The following HDDC3 variants were observed in gnomAD, a reference collection of about 807,000 sequenced individuals.
The protein encoded by HDDC3 is HD domain containing 3, also known as guanosine-3',5'-bis(diphosphate) 3'-pyrophosphohydrolase MESH1.
Under a neutral mutation model 19.1 loss-of-function variants are expected in HDDC3, and 18 were observed. The ratio of observed to expected loss-of-function variants is 0.94; its 90% CI spans 0.65 to 1.40. The LOEUF (loss-of-function observed/expected upper bound fraction) is 1.40. Among genes scored for constraint, HDDC3 ranks in the 40% most tolerant of loss-of-function variants. HDDC3 has a pLI of 0.00. For missense variants in HDDC3, 250 were observed against 228.9 expected (o/e 1.09, Z -0.59); for synonymous variants, 107 against 99.4 (o/e 1.08, Z -0.46).
chr15:90,932,116 G>C lies in HDDC3; in HGVS notation c.113-6C>G. ...GGTCAGGATCCGTGCCACACCTGAC[G>C]GGGAGGGGCAAAGCAGGAAGTCAGG... is the stretch of plus-strand genomic sequence containing the variant. On this transcript the variant is annotated splice_polypyrimidine_tract_variant and splice_region_variant and intron_variant, in intron 1 of 3. Coordinates refer to ENST00000394272, the MANE Select transcript of HDDC3 (RefSeq NM_001286451.2). 6 of 1,585,636 alleles carry C rather than the reference G, an allele frequency of 3.8e-6. No homozygotes were observed. Among genetic ancestry groups the C allele is most frequent in the Non-Finnish European group, 5.2e-6 (6 of 1,163,124 alleles).
Position 90,931,361 on chromosome 15 carries a change from G to C in HDDC3, c.454C>G (p.Gln152Glu). The change falls in exon 4 of 4, where the codon CAG becomes GAG. Residue 152 changes from glutamine to glutamate, a missense_variant. Gln to Glu is a conservative substitution (Grantham distance 29). Transcript: ENST00000394272. ...GTTCCCTGAAGCCCCTTCACCACCT[G>C]CGCTGCCCACTCGAAGTATTCCTGG... ...RVQEYFEWAA[Q>E]VVKGLQGTNR... is the part of the protein sequence containing the mutation. 1 of 1,554,370 alleles carries C rather than the reference G, an allele frequency of 6.4e-7. No individual in the cohort carries two copies. The highest frequency in any genetic ancestry group is 2.0e-5 in the Admixed American group (1 of 51,112).
chr15:90,931,919 T>A lies in HDDC3; in HGVS notation c.194A>T (p.Glu65Val), dbSNP rs1466851985. The A allele has an allele frequency of 6.2e-7, 1 of 1,613,824 alleles. No individual in the cohort carries two copies. Among genetic ancestry groups the A allele is most frequent in the Non-Finnish European group, 8.5e-7 (1 of 1,180,012 alleles). ...CTCATCCAGGGTGGTGTCTGTGTCC[T>A]CCACCGTGTCATGGAGCAGGGCCGC... ...LQAALLHDTVEDTDTTLDEVE... is the reference protein window; with the variant it reads ...LQAALLHDTVVDTDTTLDEVE... The change falls in exon 3 of 4, where the codon GAG becomes GTG. Residue 65 changes from glutamate (E) to valine (V), a missense_variant. Coordinates refer to ENST00000394272, the MANE Select transcript of HDDC3 (RefSeq NM_001286451.2).
chr15:90,932,113 G>C lies in HDDC3; in HGVS notation c.113-3C>G. ...GTGGGTCAGGATCCGTGCCACACCT[G>C]ACGGGGAGGGGCAAAGCAGGAAGTC... On this transcript the variant is annotated splice_polypyrimidine_tract_variant and splice_region_variant and intron_variant, in intron 1 of 3. Coordinates refer to ENST00000394272, the MANE Select transcript of HDDC3 (RefSeq NM_001286451.2). 6.3e-7 allele frequency: 1 copy of C among 1,587,540 alleles called. No homozygotes were observed. Among genetic ancestry groups the C allele is most frequent in the Non-Finnish European group, 8.6e-7 (1 of 1,164,172 alleles).
Position 90,931,178 on chromosome 15 carries a change from A to G in HDDC3, c.*97T>C. On this transcript the variant is annotated 3_prime_UTR_variant, in exon 4 of 4. Transcript: ENST00000394272. The stretch of plus-strand genomic sequence containing the variant: ...TTTTGGCCTCTAATATCTGGGAAGG[A>G]TGGAGGGAGCTCAGGAGACACAGAA... 7.0e-7 allele frequency: 1 copy of G among 1,421,794 alleles called. No individual in the cohort carries two copies. Among genetic ancestry groups the G allele is most frequent in the African/African-American group, 1.4e-5 (1 of 70,138 alleles). The allele number at this position is 1,421,794 out of a possible 1,614,324, so 88.1% of individuals were successfully genotyped here.
At position 90,931,410 on chromosome 15, in the gene HDDC3, A is replaced by G. The variant is rs532110423; in HGVS notation, c.410-5T>C. Reference sequence around the variant, plus strand: ...GGACTCGATGTTCTGACCATCCTGCATAAGAGTCGACAGAAACTTGCTAGC... The same window carrying G: ...GGACTCGATGTTCTGACCATCCTGCGTAAGAGTCGACAGAAACTTGCTAGC... On this transcript the variant is annotated splice_region_variant and splice_polypyrimidine_tract_variant and intron_variant, in intron 3 of 3. Transcript: ENST00000394272. 1.1e-5 allele frequency: 17 copies of G among 1,591,640 alleles called. No individual in the cohort carries two copies. The highest frequency in any genetic ancestry group is 4.0e-5 in the African/African-American group (3 of 74,142).
rs2035761377 is a variant in HDDC3, at chr15:90,930,747, A to G, written c.*528T>C. ...TGTCAGGCTCCATCAGGCACGTCAC[A>G]GTCTAACCTGATAATTACACAACCC... On this transcript the variant is annotated 3_prime_UTR_variant, in exon 4 of 4. Coordinates refer to ENST00000394272, the MANE Select transcript of HDDC3 (RefSeq NM_001286451.2). The G allele has an allele frequency of 6.2e-6, 1 of 160,056 alleles. No homozygotes were observed. The highest frequency in any genetic ancestry group is 2.4e-5 in the African/African-American group (1 of 41,490). 9.9% of individuals were successfully genotyped at this position (160,056 alleles called of 1,614,324 possible).
rs1002885222 is a variant in HDDC3 at position 90,931,142 on chromosome 15, T to C, written c.*133A>G. The C allele has an allele frequency of 9.0e-7, 1 of 1,116,616 alleles. No individual in the cohort carries two copies. Among genetic ancestry groups the C allele is most frequent in the African/African-American group, 1.6e-5 (1 of 63,634 alleles). 69.2% of individuals were successfully genotyped at this position (1,116,616 alleles called of 1,614,324 possible). On this transcript the variant is annotated 3_prime_UTR_variant, in exon 4 of 4. Coordinates refer to ENST00000394272, the MANE Select transcript of HDDC3 (RefSeq NM_001286451.2). ...AGGAGACCTTCAGACTGAGAAAAAA[T>C]GCAAGTCTTTTTTTGGCCTCTAATA...
chr15:90,932,359 C>T, intron 1 of HDDC3, 70 bp downstream of exon 1: 2 of 960,428 alleles, frequency 2.1e-6, no homozygotes, highest in Non-Finnish European at 1.4e-6. Flanking sequence ...AGGTGCACGC[C>T]CCCCACGTTT....
intron 3 of HDDC3, 45 bp downstream of exon 3, chr15:90,931,659 C>T (rs371199456): frequency 1.1e-4 from 170 of 1,613,774 alleles, no homozygotes; most frequent in Admixed American, 1.5e-4. Context: ...CTTCAGAAGG[C>T]GGCATCCCCC....
intron 3 of HDDC3, 37 bp from the exon 4 acceptor site, chr15:90,931,442 T>A (rs2035786954): frequency 4.3e-6 from 7 of 1,612,028 alleles, no homozygotes; most frequent in Non-Finnish European, 5.9e-6. Context: ...TAGCGTGATG[T>A]CAAGGAAAGC....
In HDDC3 at chr15:90,932,363, C is replaced by G. The variant is rs1054490583; in HGVS notation, c.112+66G>C. 3.6e-5 allele frequency: 37 copies of G among 1,014,176 alleles called. 2 individuals are homozygous for G. In the South Asian group the frequency reaches 7.1e-4, roughly 19 times the overall value. The allele number at this position is 1,014,176 out of a possible 1,614,324, so 62.8% of individuals were successfully genotyped here. ...GGTGCTCAATGAGGTGCACGCCCCC[C>G]ACGTTTCCTTCCCAGTCCCCACCAC... On this transcript the variant is annotated intron_variant, in intron 1 of 3. Transcript: ENST00000394272.
chr15:90,932,405 G>A, intron 1 of HDDC3, 24 bp downstream of exon 1: 1 of 1,302,492 alleles, frequency 7.7e-7, no homozygotes, highest in Non-Finnish European at 9.9e-7. Context: ...GCCGCAGCCG[G>A]CGCTCCGCGG....
chr15:90,931,467 A>G, intron 3 of HDDC3, 62 bp from the exon 4 acceptor site: 4 of 1,614,026 alleles, frequency 2.5e-6, no homozygotes, highest in Non-Finnish European at 3.4e-6. Flanking sequence ...CCTTTTCCCC[A>G]CTTCCTGGCA....
Position 90,931,922 on chromosome 15 carries a change from A to T in HDDC3, c.191T>A (p.Val64Glu). ...ATCCAGGGTGGTGTCTGTGTCCTCC[A>T]CCGTGTCATGGAGCAGGGCCGCCTG... The part of the protein sequence containing the change: ...VLQAALLHDT[V>E]EDTDTTLDEV... The change falls in exon 3 of 4, where the codon GTG (valine) becomes GAG (glutamate). Residue 64 changes from valine to glutamate, a missense_variant. Val to Glu is a moderately radical substitution (Grantham distance 121). Coordinates refer to ENST00000394272, the MANE Select transcript of HDDC3 (RefSeq NM_001286451.2). 6.2e-7 allele frequency: 1 copy of T among 1,613,844 alleles called. No individual in the cohort carries two copies. The highest frequency in any genetic ancestry group is 8.5e-7 in the Non-Finnish European group (1 of 1,179,988).
chr15:90,932,559 G>C (rs1263036428), upstream of HDDC3: 3 of 1,240,378 alleles, frequency 2.4e-6, no homozygotes, highest in African/African-American at 4.7e-5. Context: ...TGGGGCCGAC[G>C]ACTGCGGCCG....
In HDDC3 at chr15:90,931,330, C is replaced by G; in HGVS notation, c.485G>C (p.Arg162Pro). Residue 162 changes from arginine (R) to proline (P), a missense_variant, in exon 4 of 4, where the codon CGG becomes CCG. By Grantham distance (103) the Arg-to-Pro change is moderately radical. Coordinates refer to ENST00000394272, the MANE Select transcript of HDDC3 (RefSeq NM_001286451.2). ...ATGCTTTAGAGCCTCTTCCAGTTGC[C>G]GGTTTGTTCCCTGAAGCCCCTTCAC... ...QVVKGLQGTN[R>P]QLEEALKHLF... The G allele has an allele frequency of 6.4e-7, 1 of 1,551,708 alleles. No homozygotes were observed. Among genetic ancestry groups the G allele is most frequent in the Non-Finnish European group, 8.7e-7 (1 of 1,147,126 alleles).
chr15:90,932,015 TC>T (rs1167137803), intron 2 of HDDC3, 39 bp downstream of exon 2: 10 of 1,613,836 alleles, frequency 6.2e-6, no homozygotes, highest in Non-Finnish European at 8.5e-6. Context: ...GGGCCCCTAA[TC>T]CCCATCCCAG....
intron 1 of HDDC3, 158 bp downstream of exon 1, chr15:90,932,271 A>C (rs2035827662): frequency 2.3e-6 from 2 of 856,792 alleles, no homozygotes; most frequent in Admixed American, 3.0e-5. Context: ...AAAGGGAACG[A>C]TCATGCCTAC....
chr15:90,931,286 G>A lies in HDDC3; in HGVS notation c.529C>T (p.Leu177=), dbSNP rs1201474410. 3.9e-6 allele frequency: 6 copies of A among 1,550,586 alleles called. No homozygotes were observed. The highest frequency in any genetic ancestry group is 1.7e-6 in the Non-Finnish European group (2 of 1,146,980). Residue 177 remains leucine (L), a synonymous_variant, in exon 4 of 4, where the codon CTG becomes TTG. Transcript: ENST00000394272. ...ALKHLFKQRG[L]TI ...GCTTCAAGCACTGATCAGATTGTCA[G>A]CCCCCGCTGCTTGAACAGATGCTTT... is the stretch of plus-strand genomic sequence containing the variant.
Sources: allele counts gnomAD v4.1 joint callset, GRCh38; gene constraint gnomAD v4.1.1; transcripts MANE v1.5; gene names NCBI Gene and HGNC (gene_info 2026-07-23, HGNC 2026-07-21).